SMAD3: variants seen among roughly 807,000 people sequenced by gnomAD.
SMAD3 encodes the protein SMAD family member 3, also known as MAD homolog 3.
A neutral mutation model predicts 51.8 loss-of-function variants in SMAD3; 12 were observed. That is an observed-to-expected ratio of 0.23 (90% CI 0.15 to 0.38). SMAD3 has a LOEUF of 0.38. SMAD3 is among the 10% of genes least tolerant of loss of function. The pLI, the probability that SMAD3 is intolerant of heterozygous loss-of-function variation, is 1.00. For missense variants in SMAD3, 294 were observed against 565.6 expected (o/e 0.52, Z 4.87); for synonymous variants, 238 against 227.7 (o/e 1.05, Z -0.41).
chr15:67,131,160 T>C (rs1314436403), intron 1 of SMAD3, among the ~76,000 whole-genome samples: 1 of 152,236 alleles, frequency 6.6e-6, no homozygotes, highest in Non-Finnish European at 1.5e-5. Flanking sequence ...TTGTCCTACA[T>C]GCTATTGCCA....
chr15:67,192,991 C>CCCA lies in SMAD3; in HGVS notation c.*2456_*2457insCAC. 4.3e-6 allele frequency: 1 copy of CCCA among 233,232 alleles called. No homozygotes were observed. The highest frequency in any genetic ancestry group is 6.0e-5 in the East Asian group (1 of 16,706). The allele number at this position is 233,232 out of a possible 1,614,324, so 14.4% of individuals were successfully genotyped here. The stretch of plus-strand genomic sequence containing the variant: ...ATGTGTGGGATTGTAGGCAAACCCA[C>CCCA]CTGTGGCATCACTGAAAATAAATTT... On this transcript the variant is annotated 3_prime_UTR_variant, in exon 9 of 9. Coordinates refer to ENST00000327367, the MANE Select transcript of SMAD3 (RefSeq NM_005902.4).
intron 5 of SMAD3, among the ~76,000 whole-genome samples, chr15:67,171,236 G>A (rs1962742862): frequency 6.6e-6 from 1 of 152,098 alleles, no homozygotes; most frequent in Non-Finnish European, 1.5e-5. Context: ...TTGTAAACAC[G>A]TTTCCGTATT....
intron 1 of SMAD3, among the ~76,000 whole-genome samples, chr15:67,110,088 G>A (rs1335234171): frequency 2.0e-5 from 3 of 152,190 alleles, no homozygotes; most frequent in Admixed American, 6.5e-5. Flanking sequence ...TTAGGGATAG[G>A]GTGACTGTGC....
At chr15:67,078,983 AT>A (rs57308445) in intron 1 of SMAD3, among the ~76,000 whole-genome samples, 66 of 147,078 alleles carry the variant, frequency 4.5e-4, no homozygotes, top group Admixed American at 4.1e-4. Flanking sequence ...ACATATTATT[AT>A]TTTTTTTTTT....
chr15:67,095,581 G>A (rs1183198818), intron 1 of SMAD3, among the ~76,000 whole-genome samples: 1 of 152,092 alleles, frequency 6.6e-6, no homozygotes, highest in Non-Finnish European at 1.5e-5. Context: ...TGCCCAAGCT[G>A]GAGTGCAATG....
intron 1 of SMAD3, among the ~76,000 whole-genome samples, chr15:67,082,479 A>T (rs1960299191): frequency 1.3e-5 from 2 of 152,236 alleles, no homozygotes; most frequent in South Asian, 4.1e-4. Context: ...AAAGTTTCTC[A>T]CTGTGTTCTA....
intron 1 of SMAD3, among the ~76,000 whole-genome samples, chr15:67,160,925 A>G (rs1272518640): frequency 6.6e-6 from 1 of 152,018 alleles, no homozygotes; most frequent in East Asian, 1.9e-4. Context: ...TATTCCTTTA[A>G]CAGTGTCTTT....
chr15:67,106,257 C>T (rs1960875164), intron 1 of SMAD3, among the ~76,000 whole-genome samples: 1 of 152,170 alleles, frequency 6.6e-6, no homozygotes, highest in African/African-American at 2.4e-5. Context: ...TTCAGGGCTT[C>T]CTGCTGCCTT....
At chr15:67,158,300 C>A (rs1304280503) in intron 1 of SMAD3, among the ~76,000 whole-genome samples, 2 of 152,146 alleles carry the variant, frequency 1.3e-5, no homozygotes, top group Non-Finnish European at 2.9e-5. Context: ...GTAAGGATTG[C>A]TACATATTTT....
At chr15:67,185,169 T>C (rs1319981179) in intron 7 of SMAD3, among the ~76,000 whole-genome samples, 1 of 152,186 alleles carries the variant, frequency 6.6e-6, no homozygotes, top group African/African-American at 2.4e-5. Context: ...ACAAACAGCA[T>C]GCAGGGCTCT....
chr15:67,081,248 C>T (rs930390436), intron 1 of SMAD3, among the ~76,000 whole-genome samples: 2 of 152,144 alleles, frequency 1.3e-5, no homozygotes, highest in African/African-American at 2.4e-5. Context: ...ACTTATGCTC[C>T]AGTGCATCAG....
chr15:67,075,806 T>C (rs963424810), intron 1 of SMAD3, among the ~76,000 whole-genome samples: 3 of 151,586 alleles, frequency 2.0e-5, no homozygotes, highest in Non-Finnish European at 4.4e-5. Flanking sequence ...TTTCAGCTAC[T>C]CAGGAGGCTG....
chr15:67,183,032 T>TATATATATATATATATATA (rs59673693), intron 6 of SMAD3, among the ~76,000 whole-genome samples: 4 of 31,020 alleles, frequency 1.3e-4, no homozygotes, highest in African/African-American at 7.0e-4. Context: ...TATATATATA[T>TATATATATATATATATATA]TTTTTTTTTT....
chr15:67,088,163 G>T (rs955287649), intron 1 of SMAD3, among the ~76,000 whole-genome samples: 13 of 152,238 alleles, frequency 8.5e-5, no homozygotes, highest in African/African-American at 2.9e-4. Flanking sequence ...TGTAATTCTG[G>T]TCTGGGGTTG....
intron 1 of SMAD3, among the ~76,000 whole-genome samples, chr15:67,107,965 T>TGGGGGGGGCCCCCCC: frequency 8.0e-6 from 1 of 124,724 alleles, no homozygotes; most frequent in South Asian, 2.8e-4. Flanking sequence ...TGCTCTCCTC[T>TGGGGGGGGCCCCCCC]CCCCCCCACC....
chr15:67,131,673 C>A (rs543093935), intron 1 of SMAD3, among the ~76,000 whole-genome samples: 1 of 152,258 alleles, frequency 6.6e-6, no homozygotes, highest in South Asian at 2.1e-4. Context: ...CTCTCGAGAG[C>A]CCTAACTTAG....
chr15:67,075,932 A>G (rs1053220999), intron 1 of SMAD3, among the ~76,000 whole-genome samples: 8 of 151,968 alleles, frequency 5.3e-5, no homozygotes, highest in African/African-American at 1.7e-4. Context: ...AAAAAAATCA[A>G]CGCAAGTGAG....
chr15:67,082,857 GTTAA>G (rs1329174534), intron 1 of SMAD3, among the ~76,000 whole-genome samples: 2 of 152,162 alleles, frequency 1.3e-5, no homozygotes, highest in African/African-American at 4.8e-5. Context: ...ACATCTCAGA[GTTAA>G]TTAGTTTTTT....
chr15:67,185,469 T>C (rs189317872), intron 7 of SMAD3, among the ~76,000 whole-genome samples: 2 of 151,616 alleles, frequency 1.3e-5, no homozygotes, highest in Non-Finnish European at 2.9e-5. Flanking sequence ...GGGCCTGAGG[T>C]AATGGAGGGC....
Sources: allele counts gnomAD v4.1 joint callset (sites outside exome capture counted in the v4.1 genomes callset), GRCh38; gene constraint gnomAD v4.1.1; transcripts MANE v1.5; gene names NCBI Gene and HGNC (gene_info 2026-07-23, HGNC 2026-07-21).